IQSEC3: variants seen among roughly 807,000 people sequenced by gnomAD.
IQSEC3 encodes IQ motif and SEC7 domain-containing protein 3.
IQSEC3 carries 50 observed loss-of-function variants against 105.4 expected under a neutral mutation model. The ratio of observed to expected loss-of-function variants is 0.47; its 90% CI spans 0.38 to 0.60. IQSEC3 has a LOEUF of 0.60. Among genes scored for constraint, IQSEC3 ranks in the 20% least tolerant of loss-of-function variants. The pLI is 0.00. For missense variants in IQSEC3, 1,415 were observed against 1,630.0 expected, an observed-to-expected ratio of 0.87 and a Z score of 2.27; for synonymous variants, 708 against 746.0, an observed-to-expected ratio of 0.95 and a Z score of 0.83.
intron 1 of IQSEC3, among the ~76,000 whole-genome samples, chr12:80,885 G>T (rs1375541386): frequency 6.6e-6 from 1 of 152,198 alleles, no homozygotes; most frequent in African/African-American, 2.4e-5. Flanking sequence ...ATTCCTGGCA[G>T]GACAAACAGC....
intron 5 of IQSEC3, 184 bp downstream of exon 5, chr12:141,469 C>A: frequency 1.7e-6 from 1 of 600,760 alleles, no homozygotes. Context: ...CCCTGTCTCC[C>A]GTCAGAGTCA....
At chr12:128,496 C>G (rs1266426971) in intron 3 of IQSEC3, among the ~76,000 whole-genome samples, 1 of 152,106 alleles carries the variant, frequency 6.6e-6, no homozygotes, top group Non-Finnish European at 1.5e-5. Flanking sequence ...ACACTGAATC[C>G]CGTGTTCCAT....
At chr12:82,597 G>T (rs151033229) in intron 1 of IQSEC3, among the ~76,000 whole-genome samples, 111 of 152,278 alleles carry the variant, frequency 7.3e-4, no homozygotes, top group African/African-American at 2.6e-3. Context: ...AACTGAGAAT[G>T]ACTACATCAC....
chr12:112,748 G>T (rs1345542521), intron 2 of IQSEC3, among the ~76,000 whole-genome samples: 1 of 152,172 alleles, frequency 6.6e-6, no homozygotes, highest in East Asian at 1.9e-4. Context: ...GAGACCCAGG[G>T]CAATTGCAAA....
chr12:93,088 C>T (rs1340625751), intron 1 of IQSEC3, among the ~76,000 whole-genome samples: 1 of 152,186 alleles, frequency 6.6e-6, no homozygotes, highest in East Asian at 1.9e-4. Flanking sequence ...AAAAGCCCTG[C>T]AAGGTGCAGG....
intron 7 of IQSEC3, among the ~76,000 whole-genome samples, chr12:160,096 C>A (rs1323776742): frequency 6.6e-6 from 1 of 151,964 alleles, no homozygotes; most frequent in Non-Finnish European, 1.5e-5. Context: ...CTTCTCCCAT[C>A]TCGGTGAAGA....
chr12:101,063 A>C (rs1269271228), intron 2 of IQSEC3, among the ~76,000 whole-genome samples: 1 of 152,172 alleles, frequency 6.6e-6, no homozygotes, highest in East Asian at 1.9e-4. Context: ...CTAACCAAGC[A>C]CCAGGCCTCA....
At chr12:161,624 T>C (rs568527755) in intron 7 of IQSEC3, among the ~76,000 whole-genome samples, 1 of 152,176 alleles carries the variant, frequency 6.6e-6, no homozygotes, top group South Asian at 2.1e-4. Context: ...AGCAGGAACA[T>C]GGAGGCTGTA....
chr12:113,916 G>A (rs1413991792), intron 2 of IQSEC3, among the ~76,000 whole-genome samples: 2 of 152,228 alleles, frequency 1.3e-5, no homozygotes, highest in Non-Finnish European at 2.9e-5. Flanking sequence ...GAACTTCAGG[G>A]AATCACTGTA....
chr12:77,124 C>G (rs1555069390), intron 1 of IQSEC3, among the ~76,000 whole-genome samples: 1 of 152,270 alleles, frequency 6.6e-6, no homozygotes, highest in African/African-American at 2.4e-5. Flanking sequence ...GCGCACAGCC[C>G]GGTCTTTACC....
intron 5 of IQSEC3, among the ~76,000 whole-genome samples, chr12:146,869 G>A (rs185991284): frequency 8.1e-4 from 124 of 152,274 alleles, no homozygotes; most frequent in Admixed American, 1.6e-3. Flanking sequence ...CAAAAGTGGT[G>A]TCTTTGGGGT....
chr12:84,972 A>G (rs1362197766), intron 1 of IQSEC3, among the ~76,000 whole-genome samples: 2 of 152,196 alleles, frequency 1.3e-5, no homozygotes, highest in Non-Finnish European at 2.9e-5. Context: ...GCAGCAAAAA[A>G]AGTCAGAGCT....
chr12:80,873 G>T (rs1555070553), intron 1 of IQSEC3, among the ~76,000 whole-genome samples: 2 of 152,192 alleles, frequency 1.3e-5, no homozygotes, highest in African/African-American at 4.8e-5. Context: ...CTGGGGACGG[G>T]CATTCCTGGC....
intron 2 of IQSEC3, among the ~76,000 whole-genome samples, chr12:117,210 A>T (rs544744057): frequency 3.4e-4 from 51 of 152,212 alleles, no homozygotes; most frequent in African/African-American, 1.1e-3. Context: ...ACAAGAGCAG[A>T]CGTGAAAGGT....
At position 141,149 on chromosome 12, in the gene IQSEC3, C is replaced by T; in HGVS notation, c.2017C>T (p.Leu673=). 6.2e-7 allele frequency: 1 copy of T among 1,612,694 alleles called. No homozygotes were observed. Among genetic ancestry groups the T allele is most frequent in the Non-Finnish European group, 8.5e-7 (1 of 1,179,176 alleles). ...NINPDKGIQF[L]ISRGFIPDTP... ...AAACCCCGACAAGGGCATCCAGTTC[C>T]TGATCTCACGCGGCTTCATCCCGGA... The change falls in exon 5 of 14, where the codon CTG becomes TTG. Residue 673 remains leucine, a synonymous_variant. Coordinates refer to ENST00000538872, the MANE Select transcript of IQSEC3 (RefSeq NM_001170738.2).
chr12:76,335 C>T (rs2760683), intron 1 of IQSEC3, among the ~76,000 whole-genome samples: 2,493 of 151,894 alleles, frequency 0.016, 4 homozygotes, highest in Middle Eastern at 0.045. Context: ...CGTGACGGGA[C>T]GGTGAGCAGG....
chr12:69,545 G>C (rs1375731196), intron 1 of IQSEC3, among the ~76,000 whole-genome samples: 2 of 152,270 alleles, frequency 1.3e-5, no homozygotes, highest in Non-Finnish European at 2.9e-5. Flanking sequence ...AGTTGCCCCA[G>C]GCACTTAACA....
At chr12:72,982 C>G (rs1389800575) in intron 1 of IQSEC3, among the ~76,000 whole-genome samples, 1 of 136,614 alleles carries the variant, frequency 7.3e-6, no homozygotes, top group Non-Finnish European at 1.6e-5. Flanking sequence ...GGAGGCAGAG[C>G]TTGCAGTGAG....
At chr12:130,745 C>T (rs1476787067) in intron 3 of IQSEC3, among the ~76,000 whole-genome samples, 1 of 152,226 alleles carries the variant, frequency 6.6e-6, no homozygotes, top group African/African-American at 2.4e-5. Flanking sequence ...GCACACAGAG[C>T]AGGCATGAGT....
Sources: gnomAD v4.1 joint callset for allele counts (sites outside exome capture counted in the v4.1 genomes callset) on GRCh38, gnomAD v4.1.1 for gene constraint, MANE v1.5 for transcripts, NCBI Gene and HGNC (gene_info 2026-07-23, HGNC 2026-07-21) for gene names.